The following CORO6 variants were observed in gnomAD, a reference collection of about 807,000 sequenced individuals.
CORO6 encodes the protein coronin 6.
In CORO6, 43 loss-of-function variants were observed where a neutral mutation model predicts 49.0. That is an observed-to-expected ratio of 0.88 (90% CI 0.69 to 1.13). The LOEUF (loss-of-function observed/expected upper bound fraction) is 1.13, where lower values mean the gene tolerates loss of function less well. Ranked by LOEUF, CORO6 falls within the 50% of genes most tolerant of loss-of-function variation. The pLI, the probability that CORO6 is intolerant of heterozygous loss-of-function variation, is 0.00. For synonymous variants in CORO6, 233 were observed against 256.5 expected (o/e 0.91, Z 0.88); for missense variants, 650 against 647.0 (o/e 1.00, Z -0.05).
rs1463226203 is a variant in CORO6 at position 29,615,722 on chromosome 17, G to GC, written c.*9dup. ...CGCCCCGCCCCGCTCCGCCTGCCTGGCGCGCGGGGCTAGTCCGTGCCGTCC... is the reference window on the plus strand; with the variant it reads ...CGCCCCGCCCCGCTCCGCCTGCCTGGCCGCGCGGGGCTAGTCCGTGCCGTCC... On this transcript the variant is annotated 3_prime_UTR_variant, in exon 11 of 11. Coordinates refer to ENST00000388767, the MANE Select transcript of CORO6 (RefSeq NM_032854.4). The GC allele has an allele frequency of 1.0e-5, 15 of 1,493,626 alleles. No homozygotes were observed. The highest frequency in any genetic ancestry group is 1.3e-5 in the Non-Finnish European group (15 of 1,124,754). The allele number at this position is 1,493,626 out of a possible 1,614,324, so 92.5% of individuals were successfully genotyped here. A position where few individuals can be genotyped will look rare whatever the true frequency, so the allele number is the denominator to read the frequency against.
At position 29,617,628 on chromosome 17, in the gene CORO6, AG is replaced by A; in HGVS notation, c.634-10del. On this transcript the variant is annotated splice_polypyrimidine_tract_variant and intron_variant, in intron 5 of 10. Transcript: ENST00000388767. ...TGGGCCGCAAACCTCTCCTGGGGGG[AG>A]GGGGAGACAGGGAGGGACATCACCC... The A allele has an allele frequency of 1.3e-6, 2 of 1,576,414 alleles. No individual in the cohort carries two copies. Among genetic ancestry groups the A allele is most frequent in the Non-Finnish European group, 1.7e-6 (2 of 1,163,400 alleles).
chr17:29,617,848 C>T (rs2035069310), intron 5 of CORO6: 3 of 681,434 alleles, frequency 4.4e-6, no homozygotes, highest in Non-Finnish European at 4.7e-6. Context: ...CTCAGCCGAT[C>T]CCGAACCCTT....
At chr17:29,615,889 T>G in intron 10 of CORO6, 32 bp from the exon 11 acceptor site, 1 of 1,592,394 alleles carries the variant, frequency 6.3e-7, no homozygotes. Context: ...CCGTGTCGTA[T>G]AGGGGCGGTT....
chr17:29,616,958 T>C lies in CORO6; in HGVS notation c.838A>G (p.Ile280Val), dbSNP rs1232678601. ...LLPFYDPDSS[I>V]VYLCGKGDSS... ...AGCACCTTGCCACACAGGTAGACGA[T>C]GCTGGAGTCGGGATCGTAAAAGGGC... The change falls in exon 7 of 11, where the codon ATC becomes GTC. Residue 280 changes from isoleucine (I) to valine (V), a missense_variant. Ile to Val is a conservative substitution (Grantham distance 29, BLOSUM62 3). Coordinates refer to ENST00000388767, the MANE Select transcript of CORO6 (RefSeq NM_032854.4). The surrounding 1 kb of genome is among the most constrained non-coding windows in gnomAD (Gnocchi z 5.6). The C allele has an allele frequency of 6.2e-7, 1 of 1,613,642 alleles. No homozygotes were observed. The highest frequency in any genetic ancestry group is 8.5e-7 in the Non-Finnish European group (1 of 1,179,964).
rs2034824336 is a variant in CORO6 at position 29,615,688 on chromosome 17, G to A, written c.*44C>T. The A allele has an allele frequency of 6.9e-7, 1 of 1,452,912 alleles. No individual in the cohort carries two copies. Among genetic ancestry groups the A allele is most frequent in the Non-Finnish European group, 9.0e-7 (1 of 1,105,982 alleles). 90.0% of individuals were successfully genotyped at this position (1,452,912 alleles called of 1,614,324 possible). On this transcript the variant is annotated 3_prime_UTR_variant, in exon 11 of 11. Coordinates refer to ENST00000388767, the MANE Select transcript of CORO6 (RefSeq NM_032854.4). ...CGGGACTAAAAGCCGGGGCGGGGCC[G>A]AGCTTGTGCGCCCCGCCCCGCTCCG... is the stretch of plus-strand genomic sequence containing the variant.
chr17:29,616,221 G>A lies in CORO6; in HGVS notation c.1063-46C>T. On this transcript the variant is annotated intron_variant, in intron 9 of 10. Transcript: ENST00000388767. This position sits in a 1 kb window ranked among gnomAD's most constrained non-coding sequence, Gnocchi z 5.6. ...GAGGACTTGCGTGAGAGGGTGCGGG[G>A]CTTGCTCCGCTCCCTTCCGCCTCGT... 1.9e-6 allele frequency: 3 copies of A among 1,610,062 alleles called. No homozygotes were observed. Among genetic ancestry groups the A allele is most frequent in the Non-Finnish European group, 2.5e-6 (3 of 1,177,722 alleles).
In CORO6 at chr17:29,616,550, G is replaced by T; in HGVS notation, c.1004+152C>A. 9.6e-7 allele frequency: 1 copy of T among 1,036,622 alleles called. No individual in the cohort carries two copies. Among genetic ancestry groups the T allele is most frequent in the Non-Finnish European group, 1.4e-6 (1 of 705,294 alleles). The allele number at this position is 1,036,622 out of a possible 1,614,324, so 64.2% of individuals were successfully genotyped here. A position where few individuals can be genotyped will look rare whatever the true frequency, so the allele number is the denominator to read the frequency against. On this transcript the variant is annotated intron_variant, in intron 8 of 10. Transcript: ENST00000388767. The surrounding 1 kb of genome is among the most constrained non-coding windows in gnomAD (Gnocchi z 5.6). ...CTGAAGTTGAGAATGTAAGGCTAGT[G>T]AGCGGTGGGTCTGGCACTGAAACAG...
chr17:29,622,744 C>T lies in CORO6; in HGVS notation c.-120G>A. Reference sequence around the variant, plus strand: ...CTGCGAATCCTCTGCGGAAGGGGCCCGAGTGCGTAGGGGGCCGAGGAAGGC... The same window carrying T: ...CTGCGAATCCTCTGCGGAAGGGGCCTGAGTGCGTAGGGGGCCGAGGAAGGC... On this transcript the variant is annotated 5_prime_UTR_variant, in exon 1 of 11. Transcript: ENST00000388767. 7.6e-7 allele frequency: 1 copy of T among 1,318,040 alleles called. No individual in the cohort carries two copies. Among genetic ancestry groups the T allele is most frequent in the East Asian group, 5.3e-5 (1 of 18,932 alleles). The allele number at this position is 1,318,040 out of a possible 1,614,324, so 81.6% of individuals were successfully genotyped here.
Position 29,616,576 on chromosome 17 carries a change from A to G in CORO6, c.1004+126T>C. ...AGCGGTGGGTCTGGCACTGAAACAGAGCTGTCTTATCCCCCCGCCCCGCTT... is the reference window on the plus strand; with the variant it reads ...AGCGGTGGGTCTGGCACTGAAACAGGGCTGTCTTATCCCCCCGCCCCGCTT... On this transcript the variant is annotated intron_variant, in intron 8 of 10. Transcript: ENST00000388767. This position sits in a 1 kb window ranked among gnomAD's most constrained non-coding sequence, Gnocchi z 5.6. 3 of 1,286,160 alleles carry G rather than the reference A, an allele frequency of 2.3e-6. No individual in the cohort carries two copies. The allele number at this position is 1,286,160 out of a possible 1,614,324, so 79.7% of individuals were successfully genotyped here.
Position 29,616,135 on chromosome 17 carries a change from C to G in CORO6, c.1103G>C (p.Gly368Ala), listed in dbSNP as rs2034884366. The change falls in exon 10 of 11, where the codon GGC becomes GCC. Residue 368 changes from glycine (G) to alanine (A), a missense_variant. By Grantham distance (60) the Gly-to-Ala change is moderately conservative. Coordinates refer to ENST00000388767, the MANE Select transcript of CORO6 (RefSeq NM_032854.4). This position sits in a 1 kb window ranked among gnomAD's most constrained non-coding sequence, Gnocchi z 5.6. ...GTCCGCTTCTAGGGCCGGCTCCGGG[C>G]CTGGCGTATCCGGGTACAGATCGTC... Reference protein sequence around the residue: ...FQDDLYPDTPGPEPALEADEW... With the variant: ...FQDDLYPDTPAPEPALEADEW... The G allele has an allele frequency of 6.2e-7, 1 of 1,613,350 alleles. No homozygotes were observed. Among genetic ancestry groups the G allele is most frequent in the African/African-American group, 1.3e-5 (1 of 74,932 alleles).
In CORO6 at chr17:29,622,777, C is replaced by A. The variant is rs1323614092; in HGVS notation, c.-153G>T. On this transcript the variant is annotated 5_prime_UTR_variant, in exon 1 of 11. Coordinates refer to ENST00000388767, the MANE Select transcript of CORO6 (RefSeq NM_032854.4). ...TAGGGGGCCGAGGAAGGCTTCAGGG[C>A]GAAGGAGCCACCTCTCCGGGTGTCT... is the stretch of plus-strand genomic sequence containing the variant. 4 of 1,320,992 alleles carry A rather than the reference C, an allele frequency of 3.0e-6. No individual in the cohort carries two copies. The highest frequency in any genetic ancestry group is 1.2e-5 in the South Asian group (1 of 82,024). 81.8% of individuals were successfully genotyped at this position (1,320,992 alleles called of 1,614,324 possible). A position where few individuals can be genotyped will look rare whatever the true frequency, so the allele number is the denominator to read the frequency against.
Position 29,616,687 on chromosome 17 carries a change from G to A in CORO6, c.1004+15C>T, listed in dbSNP as rs1223743420. On this transcript the variant is annotated intron_variant, in intron 8 of 10. Transcript: ENST00000388767. The surrounding 1 kb of genome is among the most constrained non-coding windows in gnomAD (Gnocchi z 5.6). ...AGAGGCGGGTAGGTGTTCAGGAGGG[G>A]CCAAGGCTGCTGACCGGGCGATCTC... 2 of 1,608,098 alleles carry A rather than the reference G, an allele frequency of 1.2e-6. No individual in the cohort carries two copies. Among genetic ancestry groups the A allele is most frequent in the Non-Finnish European group, 1.7e-6 (2 of 1,175,528 alleles).
At chr17:29,617,781 G>T in intron 5 of CORO6, 162 bp from the exon 6 acceptor site, 4 of 808,926 alleles carry the variant, frequency 4.9e-6, no homozygotes, top group Admixed American at 3.0e-5. Flanking sequence ...GCGGGGCCAC[G>T]TCTGGCCCCT....
intron 5 of CORO6, chr17:29,618,294 G>T (rs537727247): frequency 1.5e-6 from 2 of 1,296,634 alleles, no homozygotes; most frequent in African/African-American, 3.1e-5. Context: ...AGGCTGGCGA[G>T]GCCAGGGCCG....
At chr17:29,622,581 G>T in intron 1 of CORO6, 107 bp downstream of exon 1, 1 of 609,852 alleles carries the variant, frequency 1.6e-6, no homozygotes, top group Non-Finnish European at 2.3e-6. Flanking sequence ...CTCCCCGCCC[G>T]AAACCGAATT....
Position 29,616,675 on chromosome 17 carries a change from TG to T in CORO6, c.1004+26del. 1.3e-6 allele frequency: 2 copies of T among 1,583,030 alleles called. No individual in the cohort carries two copies. Among genetic ancestry groups the T allele is most frequent in the Non-Finnish European group, 1.7e-6 (2 of 1,162,072 alleles). ...TGAGTGGGGGACAGAGGCGGGTAGG[TG>T]TTCAGGAGGGGCCAAGGCTGCTGAC... On this transcript the variant is annotated intron_variant, in intron 8 of 10. Coordinates refer to ENST00000388767, the MANE Select transcript of CORO6 (RefSeq NM_032854.4). The surrounding 1 kb of genome is among the most constrained non-coding windows in gnomAD (Gnocchi z 5.6).
At chr17:29,619,245 C>T (rs1245995694) in intron 3 of CORO6, 56 bp from the exon 4 acceptor site, 1 of 1,591,108 alleles carries the variant, frequency 6.3e-7, no homozygotes, top group Non-Finnish European at 8.5e-7. Flanking sequence ...CCTGTCCCTC[C>T]ACTCCTTCCC....
Position 29,622,891 on chromosome 17 carries a change from G to T in CORO6, c.-267C>A, listed in dbSNP as rs770268033. ...CGGCGCCGCTGCAGCCCCAGCTGCC[G>T]CTGCCATCAACCTAAGAGGGCGGGG... On this transcript the variant is annotated 5_prime_UTR_variant, in exon 1 of 11. Transcript: ENST00000388767. The T allele has an allele frequency of 9.4e-6, 12 of 1,270,120 alleles. No individual in the cohort carries two copies. The South Asian group carries it at 1.4e-4, about 15-fold the overall frequency. 78.7% of individuals were successfully genotyped at this position (1,270,120 alleles called of 1,614,324 possible).
chr17:29,617,605 G>A lies in CORO6; in HGVS notation c.648C>T (p.Ala216=), dbSNP rs745449634. The A allele has an allele frequency of 1.5e-5, 24 of 1,599,586 alleles. No homozygotes were observed. The highest frequency in any genetic ancestry group is 2.7e-5 in the African/African-American group (2 of 74,720). Residue 216 remains alanine (A), a synonymous_variant, in exon 6 of 11, where the codon GCC becomes GCT. Coordinates refer to ENST00000388767, the MANE Select transcript of CORO6 (RefSeq NM_032854.4). ...KGQVVAERFA[A]HEGMRPMRAV... is the part of the protein sequence containing the mutation. ...CCCGCATGGGCCTCATCCCCTCGTGGGCCGCAAACCTCTCCTGGGGGGAGG... is the reference window on the plus strand; with the variant it reads ...CCCGCATGGGCCTCATCCCCTCGTGAGCCGCAAACCTCTCCTGGGGGGAGG...
Sources: allele counts gnomAD v4.1 joint callset, GRCh38; gene constraint gnomAD v4.1.1; non-coding constraint Gnocchi (gnomAD v3.1); transcripts MANE v1.5; gene names NCBI Gene and HGNC (gene_info 2026-07-23, HGNC 2026-07-21).